The following ZMAT4 variants were observed in gnomAD, a reference collection of about 807,000 sequenced individuals.
ZMAT4 encodes the protein zinc finger matrin-type 4, also known as zinc finger matrin-type protein 4.
Under a neutral mutation model 28.7 loss-of-function variants are expected in ZMAT4, and 17 were observed. The ratio of observed to expected loss-of-function variants is 0.59; its 90% CI spans 0.41 to 0.89. The LOEUF (loss-of-function observed/expected upper bound fraction) is 0.89, where lower values mean the gene tolerates loss of function less well. Ranked by LOEUF, ZMAT4 falls within the 40% of genes least tolerant of loss-of-function variation. The probability of loss-of-function intolerance (pLI) is 0.00; values close to 1 mark genes in which losing one functional copy is unlikely to be tolerated. For missense variants in ZMAT4, 240 were observed against 283.8 expected, an observed-to-expected ratio of 0.85 and a Z score of 1.11; for synonymous variants, 117 against 109.2, an observed-to-expected ratio of 1.07 and a Z score of -0.44.
At chr8:40,824,695 G>T (rs1317520136) in intron 2 of ZMAT4, among the ~76,000 whole-genome samples, 3 of 133,200 alleles carry the variant, frequency 2.3e-5, no homozygotes, top group South Asian at 2.5e-4. Context: ...GAAAAATAAA[G>T]AAAGAAAGAA....
chr8:40,672,487 G>T (rs1415348303), intron 5 of ZMAT4, among the ~76,000 whole-genome samples: 1 of 152,150 alleles, frequency 6.6e-6, no homozygotes, highest in East Asian at 1.9e-4. Flanking sequence ...CATTCCATGG[G>T]CTACTGAGTC....
intron 3 of ZMAT4, among the ~76,000 whole-genome samples, chr8:40,730,211 G>C (rs955031328): frequency 9.9e-5 from 15 of 151,966 alleles, no homozygotes; most frequent in African/African-American, 3.6e-4. Flanking sequence ...TTTAAATGTT[G>C]GCACCCTAAA....
intron 1 of ZMAT4, among the ~76,000 whole-genome samples, chr8:40,855,674 C>A (rs1181650351): frequency 7.0e-6 from 1 of 143,258 alleles, no homozygotes; most frequent in Non-Finnish European, 1.5e-5. Context: ...TTCTGTTCAC[C>A]AAAACTTTTT....
intron 3 of ZMAT4, among the ~76,000 whole-genome samples, chr8:40,720,812 C>A (rs1304743835): frequency 6.6e-6 from 1 of 151,956 alleles, no homozygotes; most frequent in East Asian, 1.9e-4. Flanking sequence ...AGGCATGAGC[C>A]ACCATGCCCA....
intron 2 of ZMAT4, among the ~76,000 whole-genome samples, chr8:40,804,410 G>A (rs1814987878): frequency 6.6e-6 from 1 of 152,136 alleles, no homozygotes; most frequent in African/African-American, 2.4e-5. Flanking sequence ...AAAAAAGGAA[G>A]TCCATTTTGA....
chr8:40,567,510 C>T (rs1803958127), intron 6 of ZMAT4, among the ~76,000 whole-genome samples: 1 of 151,996 alleles, frequency 6.6e-6, no homozygotes, highest in African/African-American at 2.4e-5. Flanking sequence ...GCGGGCAGGT[C>T]ACCTGAGGTC....
intron 1 of ZMAT4, among the ~76,000 whole-genome samples, chr8:40,846,172 C>G (rs56250619): frequency 0.034 from 5,121 of 152,236 alleles, 296 homozygotes; most frequent in African/African-American, 0.12. Flanking sequence ...GCACCACCCC[C>G]CTCCCTACCA....
At position 40,846,906 on chromosome 8, in the gene ZMAT4, A is replaced by AT. The variant is rs539213587; in HGVS notation, c.-4-21227dup. Reference sequence around the variant, plus strand: ...ACACACACACCCTTCCCAATCCCTTATAAAAAAGGAGTGGGGAATGCCAGG... The same window carrying AT: ...ACACACACACCCTTCCCAATCCCTTATTAAAAAAGGAGTGGGGAATGCCAGG... On this transcript the variant is annotated intron_variant, in intron 1 of 6. Coordinates refer to ENST00000297737, the MANE Select transcript of ZMAT4 (RefSeq NM_024645.3). 1.4e-4 allele frequency among the ~76,000 whole-genome samples: 22 copies of AT among 152,270 alleles called. No individual in the cohort carries two copies. In the East Asian group the frequency reaches 4.3e-3, roughly 29 times the overall value.
At chr8:40,892,395 G>T (rs1440404718) in intron 1 of ZMAT4, among the ~76,000 whole-genome samples, 2 of 152,142 alleles carry the variant, frequency 1.3e-5, no homozygotes, top group African/African-American at 4.8e-5. Context: ...CCCCAGGGAT[G>T]GGTCAGCAGC....
chr8:40,760,706 GTCTCTCTC>G (rs56024719), intron 3 of ZMAT4, among the ~76,000 whole-genome samples: 2 of 142,524 alleles, frequency 1.4e-5, no homozygotes, highest in Admixed American at 7.0e-5. Context: ...CTCTGTCACA[GTCTCTCTC>G]TCTCTCTCTC....
intron 5 of ZMAT4, among the ~76,000 whole-genome samples, chr8:40,636,203 T>C (rs1806785482): frequency 6.6e-6 from 1 of 152,234 alleles, no homozygotes; most frequent in South Asian, 2.1e-4. Flanking sequence ...TAAGCACACA[T>C]ACACATATAC....
chr8:40,817,409 G>T (rs917414821), intron 2 of ZMAT4, among the ~76,000 whole-genome samples: 1 of 152,126 alleles, frequency 6.6e-6, no homozygotes, highest in South Asian at 2.1e-4. Flanking sequence ...AACTCCAGGG[G>T]TCAGTGCCAG....
intron 2 of ZMAT4, among the ~76,000 whole-genome samples, chr8:40,811,287 C>T (rs533065965): frequency 1.6e-4 from 24 of 152,204 alleles, no homozygotes; most frequent in African/African-American, 5.3e-4. Flanking sequence ...GGTTGTAAGA[C>T]GAGTGGATCT....
At chr8:40,779,521 G>A (rs192599624) in intron 2 of ZMAT4, among the ~76,000 whole-genome samples, 19 of 152,222 alleles carry the variant, frequency 1.2e-4, no homozygotes, top group African/African-American at 4.1e-4. Context: ...GGGGACTGCC[G>A]GAGGTCAAAC....
intron 3 of ZMAT4, among the ~76,000 whole-genome samples, chr8:40,700,633 G>T (rs995927245): frequency 1.3e-5 from 2 of 151,564 alleles, no homozygotes; most frequent in Non-Finnish European, 2.9e-5. Flanking sequence ...CCTGTTTTCC[G>T]GGCTGGCCTC....
chr8:40,828,517 A>G (rs1005787085), intron 1 of ZMAT4, among the ~76,000 whole-genome samples: 4 of 152,242 alleles, frequency 2.6e-5, no homozygotes, highest in African/African-American at 9.6e-5. Context: ...CAGCTGTGCA[A>G]CAGAAATAGC....
intron 5 of ZMAT4, among the ~76,000 whole-genome samples, chr8:40,599,929 T>A (rs1413034739): frequency 1.3e-5 from 2 of 152,170 alleles, no homozygotes; most frequent in Non-Finnish European, 2.9e-5. Context: ...AGACTGATTA[T>A]CTCCTTTCAT....
At chr8:40,771,217 A>G (rs1215252668) in intron 2 of ZMAT4, among the ~76,000 whole-genome samples, 1 of 151,042 alleles carries the variant, frequency 6.6e-6, no homozygotes, top group Non-Finnish European at 1.5e-5. Flanking sequence ...ATATATATAC[A>G]TATATATGTA....
At chr8:40,753,646 T>C (rs1423340856) in intron 3 of ZMAT4, among the ~76,000 whole-genome samples, 1 of 152,204 alleles carries the variant, frequency 6.6e-6, no homozygotes, top group Non-Finnish European at 1.5e-5. Context: ...AGGCAAGCAA[T>C]TAATATTTTC....
Sources: gnomAD v4.1 joint callset for allele counts (sites outside exome capture counted in the v4.1 genomes callset) on GRCh38, gnomAD v4.1.1 for gene constraint, MANE v1.5 for transcripts, NCBI Gene and HGNC (gene_info 2026-07-23, HGNC 2026-07-21) for gene names.